FGGY: variants seen among roughly 807,000 people sequenced by gnomAD.
The protein encoded by FGGY is FGGY carbohydrate kinase domain-containing protein.
FGGY carries 72 observed loss-of-function variants against 71.3 expected under a neutral mutation model. The ratio of observed to expected loss-of-function variants is 1.01; its 90% CI spans 0.84 to 1.23. FGGY has a LOEUF of 1.23. Among genes scored for constraint, FGGY ranks in the 50% most tolerant of loss-of-function variants. The pLI, the probability that FGGY is intolerant of heterozygous loss-of-function variation, is 0.00. For synonymous variants in FGGY, 251 were observed against 250.3 expected (o/e 1.00, Z -0.02); for missense variants, 668 against 682.3 (o/e 0.98, Z 0.23).
At chr1:59,429,248 G>A (rs1475100682) in intron 5 of FGGY, among the ~76,000 whole-genome samples, 1 of 142,976 alleles carries the variant, frequency 7.0e-6, no homozygotes, top group Non-Finnish European at 1.5e-5. Context: ...CAATAATTCT[G>A]GTTTTTTTTT....
rs541398577 is a variant in FGGY, at chr1:59,395,489, C to G, written c.554+16652C>G. Among the ~76,000 whole-genome samples the G allele has an allele frequency of 2.0e-5, 3 of 152,244 alleles. No individual in the cohort carries two copies. The South Asian group carries it at 6.2e-4, about 32-fold the overall frequency. On this transcript the variant is annotated intron_variant, in intron 5 of 15. Coordinates refer to ENST00000303721, the MANE Select transcript of FGGY (RefSeq NM_018291.5). ...TTGGAAACACCTGTTTAAGTTGTATCTTCTTTGCTAGTTGTAACTTCATGA... is the reference window on the plus strand; with the variant it reads ...TTGGAAACACCTGTTTAAGTTGTATGTTCTTTGCTAGTTGTAACTTCATGA...
rs2153522423 is a variant in FGGY at position 59,461,816 on chromosome 1, TA to T, written c.670+4741del. 2.0e-5 allele frequency among the ~76,000 whole-genome samples: 3 copies of T among 152,296 alleles called. 1 individual carries two copies. The East Asian group carries it at 5.8e-4, about 29-fold the overall frequency. On this transcript the variant is annotated intron_variant, in intron 6 of 15. Transcript: ENST00000303721. ...TTTTGTTTTTTATTTTATTGTATTT[TA>T]TTTTTTTCTTCTATTATTATTATTA...
chr1:59,357,848 T>C (rs186093003), intron 4 of FGGY, among the ~76,000 whole-genome samples: 66 of 152,338 alleles, frequency 4.3e-4, no homozygotes, highest in African/African-American at 1.5e-3. Flanking sequence ...GCTTACCTGT[T>C]GCCAGTCTTC....
At position 59,586,149 on chromosome 1, in the gene FGGY, C is replaced by A. The variant is rs926150713; in HGVS notation, c.904-21654C>A. Among the ~76,000 whole-genome samples the A allele has an allele frequency of 1.3e-5, 2 of 152,192 alleles. 1 individual carries two copies. Among genetic ancestry groups the A allele is most frequent in the South Asian group, 4.1e-4 (2 of 4,828 alleles). ...TAGAAATACCATTTGACCCAGCCAT[C>A]CCATCACTGGGTATATACGCAAAGG... is the stretch of plus-strand genomic sequence containing the variant. On this transcript the variant is annotated intron_variant, in intron 8 of 15. Transcript: ENST00000303721.
At chr1:59,686,066 T>C (rs2097541523) in intron 14 of FGGY, among the ~76,000 whole-genome samples, 1 of 152,238 alleles carries the variant, frequency 6.6e-6, no homozygotes, top group Admixed American at 6.5e-5. Context: ...ATTCATTATA[T>C]ACCACCTTGC....
intron 5 of FGGY, among the ~76,000 whole-genome samples, chr1:59,446,205 A>G (rs2071203451): frequency 6.6e-6 from 1 of 152,132 alleles, no homozygotes; most frequent in Admixed American, 6.5e-5. Context: ...GGGCTTCATC[A>G]CGATCTTGGA....
chr1:59,324,165 A>G (rs1206878238), intron 2 of FGGY, among the ~76,000 whole-genome samples: 2 of 152,078 alleles, frequency 1.3e-5, no homozygotes, highest in Admixed American at 6.5e-5. Flanking sequence ...TGTGGTGTCA[A>G]TGATGATGAC....
intron 1 of FGGY, among the ~76,000 whole-genome samples, chr1:59,306,317 G>A (rs2043436517): frequency 6.6e-6 from 1 of 152,106 alleles, no homozygotes; most frequent in Non-Finnish European, 1.5e-5. Flanking sequence ...ACCACTTCAA[G>A]GTGCTAAGAG....
intron 6 of FGGY, among the ~76,000 whole-genome samples, chr1:59,470,093 A>G (rs904178631): frequency 6.6e-6 from 1 of 152,116 alleles, no homozygotes; most frequent in African/African-American, 2.4e-5. Flanking sequence ...AGAATGATCT[A>G]TATTCTTTGG....
chr1:59,587,542 C>T (rs1338950498), intron 8 of FGGY, among the ~76,000 whole-genome samples: 1 of 152,094 alleles, frequency 6.6e-6, no homozygotes, highest in African/African-American at 2.4e-5. Flanking sequence ...CTGGGAGGCA[C>T]CCCCCAGTAG....
intron 4 of FGGY, among the ~76,000 whole-genome samples, chr1:59,369,839 C>T (rs2057284325): frequency 6.6e-6 from 1 of 152,236 alleles, no homozygotes; most frequent in Admixed American, 6.5e-5. Flanking sequence ...TCCAACAGAC[C>T]TGCAGCTGAG....
intron 8 of FGGY, among the ~76,000 whole-genome samples, chr1:59,591,596 G>C: frequency 6.6e-6 from 1 of 152,104 alleles, no homozygotes. Context: ...CAGAGATATA[G>C]ACCAATGTAA....
At chr1:59,543,235 G>C (rs1558291509) in intron 7 of FGGY, among the ~76,000 whole-genome samples, 1 of 152,062 alleles carries the variant, frequency 6.6e-6, no homozygotes, top group East Asian at 1.9e-4. Context: ...TGTTTTGCTT[G>C]TTTTTTCTCC....
intron 14 of FGGY, among the ~76,000 whole-genome samples, chr1:59,686,111 C>T (rs1186553416): frequency 1.3e-5 from 2 of 152,158 alleles, no homozygotes; most frequent in African/African-American, 4.8e-5. Flanking sequence ...AACCTGACTT[C>T]GGGTCTAGGA....
intron 10 of FGGY, among the ~76,000 whole-genome samples, chr1:59,633,135 T>C (rs902611812): frequency 6.6e-6 from 1 of 151,466 alleles, no homozygotes; most frequent in Non-Finnish European, 1.5e-5. Context: ...CTCAGCCTCC[T>C]GAGTAGCTGG....
chr1:59,616,031 G>A (rs1558559683), intron 9 of FGGY, among the ~76,000 whole-genome samples: 1 of 152,150 alleles, frequency 6.6e-6, no homozygotes, highest in African/African-American at 2.4e-5. Flanking sequence ...CTTTTACACT[G>A]TTGGTGGGAC....
intron 14 of FGGY, among the ~76,000 whole-genome samples, chr1:59,718,840 A>G (rs2097863387): frequency 6.6e-6 from 1 of 151,954 alleles, no homozygotes; most frequent in Admixed American, 6.6e-5. Context: ...GGCTTTCACT[A>G]CTTTCCCCCA....
intron 9 of FGGY, among the ~76,000 whole-genome samples, chr1:59,617,987 G>C (rs141699683): frequency 4.4e-4 from 67 of 152,190 alleles, no homozygotes; most frequent in Middle Eastern, 3.4e-3. Context: ...TGGGTGTATG[G>C]AATGACTTGC....
At chr1:59,665,601 C>T (rs1282703431) in intron 12 of FGGY, among the ~76,000 whole-genome samples, 2 of 152,118 alleles carry the variant, frequency 1.3e-5, no homozygotes, top group African/African-American at 4.8e-5. Flanking sequence ...TCAAAGGAGG[C>T]TCCATTTGCC....
Sources: gnomAD v4.1 joint callset for allele counts (sites outside exome capture counted in the v4.1 genomes callset) on GRCh38, gnomAD v4.1.1 for gene constraint, MANE v1.5 for transcripts, NCBI Gene and HGNC (gene_info 2026-07-23, HGNC 2026-07-21) for gene names.